The following BOC variants were observed in gnomAD, a reference collection of about 807,000 sequenced individuals.
The protein encoded by BOC is BOC cell adhesion associated, oncogene regulated.
Under a neutral mutation model 112.0 loss-of-function variants are expected in BOC, and 76 were observed. The ratio of observed to expected loss-of-function variants is 0.68; its 90% confidence interval spans 0.56 to 0.82. The LOEUF is 0.82. Ranked by LOEUF, BOC falls within the 40% of genes least tolerant of loss-of-function variation. The probability of loss-of-function intolerance (pLI) is 0.00; values close to 1 mark genes in which losing one functional copy is unlikely to be tolerated. For synonymous variants in BOC, 580 were observed against 599.8 expected (o/e 0.97, Z 0.48); for missense variants, 1,309 against 1,511.7 (o/e 0.87, Z 2.22).
In BOC at chr3:113,274,452, C is replaced by G. The variant is rs1469154242; in HGVS notation, c.1312C>G (p.Pro438Ala). 2 of 1,610,258 alleles carry G rather than the reference C, an allele frequency of 1.2e-6. No individual in the cohort carries two copies. The highest frequency in any genetic ancestry group is 1.7e-4 in the Middle Eastern group (1 of 6,052). The change falls in exon 9 of 20, where the codon CCT becomes GCT. Residue 438 changes from proline (P) to alanine (A), a missense_variant. Transcript: ENST00000682979. The surrounding 1 kb of genome is among the most constrained non-coding windows in gnomAD (Gnocchi z 4.8). The part of the protein sequence containing the change: ...PPVSPSKLGN[P>A]EQMLRGQPAL... ...TGTATCACCCTCCAAACTCGGCAAC[C>G]CTGAGCAGATGCTGAGGGGGCAACC...
chr3:113,248,845 G>A (rs112993142), intron 2 of BOC, among the ~76,000 whole-genome samples: 9 of 152,298 alleles, frequency 5.9e-5, no homozygotes, highest in African/African-American at 2.2e-4. Context: ...GGCTGGAGGT[G>A]CAGTGTGGTC....
chr3:113,236,347 G>A lies in BOC; in HGVS notation c.-81-13375G>A, dbSNP rs909587102. Among the ~76,000 whole-genome samples, 10 of 80,048 alleles carry A rather than the reference G, an allele frequency of 1.2e-4. 1 individual carries two copies. Among genetic ancestry groups the A allele is most frequent in the Non-Finnish European group, 2.5e-4 (8 of 31,746 alleles). 52.5% of individuals were successfully genotyped at this position (80,048 alleles called of 152,430 possible). ...TACTGCTCAGTCATAAAAAAGAATG[G>A]AATCATGTCTTTTGCAGCAACATAG... is the stretch of plus-strand genomic sequence containing the variant. On this transcript the variant is annotated intron_variant, in intron 2 of 19. Coordinates refer to ENST00000682979, the MANE Select transcript of BOC (RefSeq NM_001378074.1).
rs1408647452 is a variant in BOC, at chr3:113,273,066, C to G, written c.962-3C>G. 3 of 1,590,794 alleles carry G rather than the reference C, an allele frequency of 1.9e-6. No individual in the cohort carries two copies. The highest frequency in any genetic ancestry group is 2.7e-5 in the African/African-American group (2 of 74,524). ...TTCTCACCCTGCTCTGGTTTCCTGG[C>G]AGAACCCCCTGAGGTCACCATGGAG... On this transcript the variant is annotated splice_region_variant and splice_polypyrimidine_tract_variant and intron_variant, in intron 7 of 19. Coordinates refer to ENST00000682979, the MANE Select transcript of BOC (RefSeq NM_001378074.1).
At chr3:113,239,167 G>GTTTATATATATATAAA in intron 2 of BOC, among the ~76,000 whole-genome samples, 1 of 152,134 alleles carries the variant, frequency 6.6e-6, no homozygotes, top group Non-Finnish European at 1.5e-5. Context: ...TATAAATTTT[G>GTTTATATATATATAAA]GATATATCAT....
intron 11 of BOC, 23 bp from the exon 12 acceptor site, chr3:113,279,226 T>G: frequency 1.2e-6 from 2 of 1,607,698 alleles, no homozygotes; most frequent in Non-Finnish European, 1.7e-6. Context: ...GCTTCCTTCC[T>G]CACTGGATAC....
intron 2 of BOC, among the ~76,000 whole-genome samples, chr3:113,237,273 A>G (rs1205616651): frequency 1.3e-5 from 2 of 152,234 alleles, no homozygotes; most frequent in African/African-American, 4.8e-5. Context: ...GCTGGGGTAA[A>G]ACTAGGTGCC....
rs373078430 is a variant in BOC, at chr3:113,284,530, T to C, written c.2852T>C (p.Met951Thr). 6.2e-7 allele frequency: 1 copy of C among 1,613,876 alleles called. No individual in the cohort carries two copies. The highest frequency in any genetic ancestry group is 1.6e-4 in the Middle Eastern group (1 of 6,062). Reference protein sequence around the residue: ...CPSAAVGYPGMKPQQHCPGEL... With the variant: ...CPSAAVGYPGTKPQQHCPGEL... ...TCGGCTGCAGTGGGCTACCCGGGCA[T>C]GAAGCCCCAGCAGCACTGCCCAGGC... The change falls in exon 17 of 20, where the codon ATG becomes ACG. Residue 951 changes from methionine (M) to threonine (T), a missense_variant. By Grantham distance (81) the Met-to-Thr change is moderately conservative. Coordinates refer to ENST00000682979, the MANE Select transcript of BOC (RefSeq NM_001378074.1).
intron 2 of BOC, among the ~76,000 whole-genome samples, chr3:113,225,061 G>T (rs1277554169): frequency 6.8e-6 from 1 of 147,526 alleles, no homozygotes; most frequent in Non-Finnish European, 1.5e-5. Flanking sequence ...TGGGCGACAG[G>T]GTGAGACTCC....
chr3:113,240,854 C>A (rs939991328), intron 2 of BOC, among the ~76,000 whole-genome samples: 1 of 152,198 alleles, frequency 6.6e-6, no homozygotes, highest in African/African-American at 2.4e-5. Flanking sequence ...GATCCCCAAG[C>A]CTGACTTCCA....
rs114360599 is a variant in BOC, at chr3:113,229,798, A to C, written c.-82+13524A>C. 8.4e-3 allele frequency among the ~76,000 whole-genome samples: 1,286 copies of C among 152,328 alleles called. 23 individuals are homozygous for C. The highest frequency in any genetic ancestry group is 0.029 in the African/African-American group (1,199 of 41,572). ...AGGAACATCTTTATGCAAAGTGTTC[A>C]ATTTCAAACACCGTATCCAGTACAG... On this transcript the variant is annotated intron_variant, in intron 2 of 19. Transcript: ENST00000682979.
chr3:113,236,280 GGGTATATATATATATATA>G (rs1943477169), intron 2 of BOC, among the ~76,000 whole-genome samples: 1 of 42,566 alleles, frequency 2.3e-5, no homozygotes, highest in Non-Finnish European at 4.1e-5. Flanking sequence ...ATATACCCAT[GGGTATATATATATATATA>G]TATATATATA....
chr3:113,277,983 G>A (rs1948822677), intron 9 of BOC, 112 bp from the exon 10 acceptor site: 14 of 1,391,780 alleles, frequency 1.0e-5, no homozygotes, highest in South Asian at 1.3e-5. Flanking sequence ...CTGGCTTATC[G>A]TCCTTCCCCT....
intron 4 of BOC, among the ~76,000 whole-genome samples, chr3:113,253,781 G>A (rs1481718875): frequency 6.6e-6 from 1 of 151,992 alleles, no homozygotes; most frequent in African/African-American, 2.4e-5. Flanking sequence ...TCCTGTTGCT[G>A]GACAATTAGG....
rs145076589 is a variant in BOC, at chr3:113,273,293, G to A, written c.1186G>A (p.Glu396Lys). Residue 396 changes from glutamate to lysine, a missense_variant, in exon 8 of 20, where the codon GAG (glutamate) becomes AAG (lysine). By Grantham distance (56) the Glu-to-Lys change is moderately conservative. Transcript: ENST00000682979. ...CGTCTACCAGTGCATGGCCGAGAAC[G>A]AGGTTGGGAGCGCCCATGCCGTAGT... is the stretch of plus-strand genomic sequence containing the variant. ...EGVYQCMAENEVGSAHAVVQL... is the reference protein window; with the variant it reads ...EGVYQCMAENKVGSAHAVVQL... 2.6e-5 allele frequency: 41 copies of A among 1,602,714 alleles called. No individual in the cohort carries two copies. The highest frequency in any genetic ancestry group is 2.7e-5 in the African/African-American group (2 of 74,766).
At position 113,238,076 on chromosome 3, in the gene BOC, G is replaced by A. The variant is rs572821346; in HGVS notation, c.-81-11646G>A. Among the ~76,000 whole-genome samples, 6 of 152,270 alleles carry A rather than the reference G, an allele frequency of 3.9e-5. No individual in the cohort carries two copies. The East Asian group carries it at 7.7e-4, about 20-fold the overall frequency. On this transcript the variant is annotated intron_variant, in intron 2 of 19. Transcript: ENST00000682979. The stretch of plus-strand genomic sequence containing the variant: ...TTATATAAGGTGTGTGAGATGCTAC[G>A]GGAACCAGAATGAGGAACAGCCACA...
intron 2 of BOC, among the ~76,000 whole-genome samples, chr3:113,237,838 T>A (rs566497620): frequency 9.2e-5 from 14 of 152,220 alleles, no homozygotes; most frequent in Non-Finnish European, 1.8e-4. Context: ...TCTTTCTCGA[T>A]CCTAGATTTC....
Position 113,251,043 on chromosome 3 carries a change from T to C in BOC, c.376+210T>C. ...GGAAAACCTCACTCCAAGTAGAGGC[T>C]GTATCTGGAGTGAGTGTCTACAGAG... On this transcript the variant is annotated intron_variant, in intron 4 of 19. Transcript: ENST00000682979. 5 of 640,090 alleles carry C rather than the reference T, an allele frequency of 7.8e-6. No individual in the cohort carries two copies. In the South Asian group the frequency reaches 9.5e-5, roughly 12 times the overall value. 39.7% of individuals were successfully genotyped at this position (640,090 alleles called of 1,614,324 possible).
intron 4 of BOC, 197 bp downstream of exon 4, chr3:113,251,030 T>C: frequency 1.5e-6 from 1 of 669,304 alleles, no homozygotes; most frequent in Non-Finnish European, 2.5e-6. Flanking sequence ...AAAACCTCAC[T>C]CCAAGTAGAG....
intron 2 of BOC, among the ~76,000 whole-genome samples, chr3:113,228,898 G>C (rs567283471): frequency 6.6e-6 from 1 of 152,218 alleles, no homozygotes; most frequent in East Asian, 1.9e-4. Flanking sequence ...ATCCCTGCCT[G>C]GTCTTTTTCA....
Sources: allele counts gnomAD v4.1 joint callset (sites outside exome capture counted in the v4.1 genomes callset), GRCh38; gene constraint gnomAD v4.1.1; non-coding constraint Gnocchi (gnomAD v3.1); transcripts MANE v1.5; gene names NCBI Gene and HGNC (gene_info 2026-07-23, HGNC 2026-07-21).